The following CEP55 variants were observed in gnomAD, a reference collection of about 807,000 sequenced individuals.
CEP55 encodes centrosomal protein of 55 kDa.
A neutral mutation model predicts 63.2 loss-of-function variants in CEP55; 57 were observed. That is an observed-to-expected ratio of 0.90 (90% CI 0.73 to 1.13). CEP55 has a LOEUF of 1.13. Ranked by LOEUF, CEP55 falls within the 50% of genes most tolerant of loss-of-function variation. CEP55 has a pLI of 0.00. For synonymous variants in CEP55, 178 were observed against 191.6 expected, an observed-to-expected ratio of 0.93 and a Z score of 0.59; for missense variants, 456 against 518.9, an observed-to-expected ratio of 0.88 and a Z score of 1.18.
At chr10:93,527,929 T>C in intron 8 of CEP55, 21 bp from the exon 9 acceptor site, 2 of 1,597,388 alleles carry the variant, frequency 1.3e-6, no homozygotes, top group Non-Finnish European at 1.7e-6. Flanking sequence ...CAAATTCTAT[T>C]ATTTGAAACT....
At chr10:93,500,283 T>C (rs373082979) in intron 2 of CEP55, 49 bp downstream of exon 2, 5 of 1,444,694 alleles carry the variant, frequency 3.5e-6, no homozygotes, top group Non-Finnish European at 4.8e-6. Flanking sequence ...AAGAAAGCGA[T>C]GCATGAAGAT....
chr10:93,512,429 G>T (rs1357368682), intron 4 of CEP55, among the ~76,000 whole-genome samples: 1 of 148,386 alleles, frequency 6.7e-6, no homozygotes, highest in African/African-American at 2.5e-5. Context: ...CAAGAGAATC[G>T]CTTGAACCCG....
intron 1 of CEP55, among the ~76,000 whole-genome samples, chr10:93,498,597 T>C (rs966941831): frequency 6.6e-6 from 1 of 152,240 alleles, no homozygotes; most frequent in African/African-American, 2.4e-5. Context: ...AGTTCTAATA[T>C]GTTTAGACGT....
At chr10:93,509,633 G>A (rs758974057) in intron 4 of CEP55, among the ~76,000 whole-genome samples, 3 of 151,984 alleles carry the variant, frequency 2.0e-5, no homozygotes, top group Admixed American at 6.6e-5. Flanking sequence ...TTACAGGTGC[G>A]TGCCACCATG....
chr10:93,506,703 G>A (rs191567231), intron 3 of CEP55, among the ~76,000 whole-genome samples: 2 of 152,294 alleles, frequency 1.3e-5, no homozygotes, highest in Non-Finnish European at 2.9e-5. Context: ...GTGTAGCTGG[G>A]ATTATAGGCA....
intron 8 of CEP55, among the ~76,000 whole-genome samples, chr10:93,524,902 A>C (rs1337819760): frequency 1.3e-5 from 2 of 152,156 alleles, no homozygotes; most frequent in Non-Finnish European, 2.9e-5. Flanking sequence ...CTTCATGCTA[A>C]AAACTCTCAA....
At chr10:93,523,659 C>G (rs2057887980) in intron 8 of CEP55, among the ~76,000 whole-genome samples, 1 of 152,330 alleles carries the variant, frequency 6.6e-6, no homozygotes, top group East Asian at 1.9e-4. Context: ...CCACACCGCA[C>G]TTATTCCAAA....
chr10:93,514,818 G>A (rs1452285761), intron 4 of CEP55, among the ~76,000 whole-genome samples: 1 of 152,158 alleles, frequency 6.6e-6, no homozygotes, highest in Admixed American at 6.5e-5. Context: ...GAGTTTCCAG[G>A]CTGGAGTGCA....
intron 4 of CEP55, among the ~76,000 whole-genome samples, chr10:93,514,667 T>C (rs2057784411): frequency 6.6e-6 from 1 of 152,218 alleles, no homozygotes; most frequent in African/African-American, 2.4e-5. Flanking sequence ...CTGGGGCCAA[T>C]CCAGCTCAGC....
At chr10:93,527,591 T>C (rs1262922419) in intron 8 of CEP55, among the ~76,000 whole-genome samples, 3 of 152,156 alleles carry the variant, frequency 2.0e-5, no homozygotes, top group Non-Finnish European at 2.9e-5. Flanking sequence ...ACAGGCTGGG[T>C]GCAGTGGTTC....
At chr10:93,523,781 A>T (rs2134499995) in intron 8 of CEP55, among the ~76,000 whole-genome samples, 1 of 152,348 alleles carries the variant, frequency 6.6e-6, no homozygotes, top group Admixed American at 6.5e-5. Context: ...CAGGATTAAG[A>T]AACTCACTCA....
At chr10:93,497,547 T>A (rs1214157537) in intron 1 of CEP55, among the ~76,000 whole-genome samples, 2 of 152,106 alleles carry the variant, frequency 1.3e-5, no homozygotes, top group Non-Finnish European at 2.9e-5. Flanking sequence ...ATTACAGGCG[T>A]GAGCCACCGC....
In CEP55 at chr10:93,500,120, C is replaced by T. The variant is rs765024195; in HGVS notation, c.69C>T (p.Ser23=). Residue 23 remains serine (S), a synonymous_variant, in exon 2 of 9, where the codon TCC becomes TCT. Transcript: ENST00000371485. The part of the protein sequence containing the change: ...KWGSKPSNSK[S]ETTLEKLKGE... The stretch of plus-strand genomic sequence containing the variant: ...GATCGAAGCCTAGTAACTCCAAATC[C>T]GAAACTACATTAGAAAAATTAAAGG... 9.3e-6 allele frequency: 15 copies of T among 1,613,158 alleles called. No homozygotes were observed. The highest frequency in any genetic ancestry group is 5.5e-5 in the South Asian group (5 of 90,996).
rs900048835 is a variant in CEP55, at chr10:93,528,244, C to G, written c.*91C>G. On this transcript the variant is annotated 3_prime_UTR_variant, in exon 9 of 9. Coordinates refer to ENST00000371485, the MANE Select transcript of CEP55 (RefSeq NM_018131.5). ...TTTGAATTATATATTTCACATTTTG[C>G]ATAAAACTGCCTATCTACCTTTGAC... 2.1e-5 allele frequency: 23 copies of G among 1,097,916 alleles called. No individual in the cohort carries two copies. The East Asian group carries it at 5.9e-4, about 28-fold the overall frequency. 68.0% of individuals were successfully genotyped at this position (1,097,916 alleles called of 1,614,324 possible).
At chr10:93,501,099 G>C (rs2134455688) in intron 2 of CEP55, among the ~76,000 whole-genome samples, 1 of 152,232 alleles carries the variant, frequency 6.6e-6, no homozygotes, top group East Asian at 1.9e-4. Flanking sequence ...CCATTTCAGA[G>C]TATTAAATAG....
intron 1 of CEP55, among the ~76,000 whole-genome samples, chr10:93,498,359 C>A (rs527615906): frequency 6.6e-6 from 1 of 152,230 alleles, no homozygotes; most frequent in East Asian, 1.9e-4. Context: ...TTTTGTGTCT[C>A]AATGACTTGG....
intron 3 of CEP55, among the ~76,000 whole-genome samples, chr10:93,506,259 A>T (rs1371839705): frequency 1.3e-5 from 2 of 152,224 alleles, no homozygotes; most frequent in African/African-American, 4.8e-5. Context: ...TACTATTATT[A>T]ATACAAAACA....
intron 4 of CEP55, among the ~76,000 whole-genome samples, chr10:93,509,163 G>A (rs1256281178): frequency 1.3e-5 from 2 of 152,166 alleles, no homozygotes; most frequent in Non-Finnish European, 2.9e-5. Flanking sequence ...GGTATTTTTA[G>A]ATAATGATGA....
intron 4 of CEP55, among the ~76,000 whole-genome samples, chr10:93,513,009 A>G (rs2057768563): frequency 6.6e-6 from 1 of 152,260 alleles, no homozygotes; most frequent in Non-Finnish European, 1.5e-5. Context: ...CGAAGTTTCA[A>G]TAAGACAGAC....
Sources: allele counts gnomAD v4.1 joint callset (sites outside exome capture counted in the v4.1 genomes callset), GRCh38; gene constraint gnomAD v4.1.1; transcripts MANE v1.5; gene names NCBI Gene and HGNC (gene_info 2026-07-23, HGNC 2026-07-21).